The following TERB1 variants were observed in gnomAD, a reference collection of about 807,000 sequenced individuals.
TERB1 encodes telomere repeats-binding bouquet formation protein 1.
Under a neutral mutation model 92.3 loss-of-function variants are expected in TERB1, and 63 were observed. The observed-to-expected ratio is 0.68, with a 90% CI of 0.56 to 0.84. The LOEUF is 0.84. Among genes scored for constraint, TERB1 ranks in the 40% least tolerant of loss-of-function variants. The pLI, the probability that TERB1 is intolerant of heterozygous loss-of-function variation, is 0.00. For missense variants in TERB1, 709 were observed against 843.7 expected, an observed-to-expected ratio of 0.84 and a Z score of 1.98; for synonymous variants, 252 against 283.9, an observed-to-expected ratio of 0.89 and a Z score of 1.13.
At position 66,754,734 on chromosome 16, in the gene TERB1, T is replaced by C; in HGVS notation, c.*242A>G. On this transcript the variant is annotated 3_prime_UTR_variant, in exon 19 of 19. Coordinates refer to ENST00000433154, the MANE Select transcript of TERB1 (RefSeq NM_001136505.2). ...TTAAGCTTAAGGAAAAATAAAAGCA[T>C]ATTCCTAAACAAATGTTTGATCTTA... is the stretch of plus-strand genomic sequence containing the variant. The C allele has an allele frequency of 4.5e-6, 2 of 448,804 alleles. No homozygotes were observed. The highest frequency in any genetic ancestry group is 7.8e-6 in the Non-Finnish European group (2 of 256,738). 27.8% of individuals were successfully genotyped at this position (448,804 alleles called of 1,614,324 possible). A position where few individuals can be genotyped will look rare whatever the true frequency, so the allele number is the denominator to read the frequency against.
chr16:66,776,525 G>A, intron 11 of TERB1, among the ~76,000 whole-genome samples: 1 of 151,996 alleles, frequency 6.6e-6, no homozygotes. Flanking sequence ...ATAAACTAAT[G>A]GAGGGAGTAG....
chr16:66,790,743 A>G lies in TERB1; in HGVS notation c.143-20T>C. ...CATTACCTGTAGGATGTGCAGAAAA[A>G]AAACAAAATAGAAATGATATTTATT... is the stretch of plus-strand genomic sequence containing the variant. On this transcript the variant is annotated intron_variant, in intron 4 of 18. Coordinates refer to ENST00000433154, the MANE Select transcript of TERB1 (RefSeq NM_001136505.2). 2 of 1,546,954 alleles carry G rather than the reference A, an allele frequency of 1.3e-6. No homozygotes were observed. Among genetic ancestry groups the G allele is most frequent in the Non-Finnish European group, 1.7e-6 (2 of 1,144,912 alleles).
At chr16:66,762,157 T>C (rs919824895) in intron 16 of TERB1, among the ~76,000 whole-genome samples, 7 of 152,224 alleles carry the variant, frequency 4.6e-5, no homozygotes, top group Non-Finnish European at 8.8e-5. Context: ...ATCTTTTTTG[T>C]TTTTAACATT....
At chr16:66,766,856 A>G (rs1208163874) in intron 16 of TERB1, among the ~76,000 whole-genome samples, 1 of 152,182 alleles carries the variant, frequency 6.6e-6, no homozygotes, top group African/African-American at 2.4e-5. Context: ...TATGTTGACC[A>G]TGCTGGTTTT....
chr16:66,787,277 CTTTTTCT>C (rs1772130584), intron 6 of TERB1, among the ~76,000 whole-genome samples: 1 of 136,380 alleles, frequency 7.3e-6, no homozygotes, highest in Middle Eastern at 4.1e-3. Flanking sequence ...TTTTCTTTTT[CTTTTTCT>C]TTTTTTTTTT....
intron 3 of TERB1, among the ~76,000 whole-genome samples, chr16:66,793,646 G>A (rs2018875734): frequency 6.6e-6 from 1 of 152,030 alleles, no homozygotes; most frequent in South Asian, 2.1e-4. Context: ...CAAGGAGCTG[G>A]GATTACAGGT....
In TERB1 at chr16:66,788,221, T is replaced by A. The variant is rs1179547766; in HGVS notation, c.348A>T (p.Ile116=). Residue 116 remains isoleucine, a synonymous_variant, in exon 6 of 19, where the codon ATA becomes ATT. Transcript: ENST00000433154. ...LTWFLSNDSN[I]NLKRMSVYVI... ...CATAAACAGACATTCTTTTCAAATT[T>A]ATGTTTGAATCATTAGATAAGAACC... is the stretch of plus-strand genomic sequence containing the variant. The A allele has an allele frequency of 2.0e-6, 3 of 1,513,464 alleles. No homozygotes were observed. Among genetic ancestry groups the A allele is most frequent in the Non-Finnish European group, 2.7e-6 (3 of 1,129,372 alleles). The allele number at this position is 1,513,464 out of a possible 1,614,324, so 93.8% of individuals were successfully genotyped here.
intron 13 of TERB1, among the ~76,000 whole-genome samples, chr16:66,771,907 T>C (rs2018458884): frequency 1.3e-5 from 2 of 152,154 alleles, no homozygotes; most frequent in South Asian, 2.1e-4. Flanking sequence ...CATGCATACA[T>C]AGAAAAATAT....
At chr16:66,787,868 C>T (rs2018754646) in intron 6 of TERB1, among the ~76,000 whole-genome samples, 1 of 152,166 alleles carries the variant, frequency 6.6e-6, no homozygotes, top group Non-Finnish European at 1.5e-5. Flanking sequence ...TGAGACCAGC[C>T]TGGCCAACAT....
rs1476366030 is a variant in TERB1 at position 66,790,624 on chromosome 16, T to A, written c.242A>T (p.Tyr81Phe). 2 of 1,549,242 alleles carry A rather than the reference T, an allele frequency of 1.3e-6. No homozygotes were observed. Among genetic ancestry groups the A allele is most frequent in the Non-Finnish European group, 1.7e-6 (2 of 1,145,134 alleles). ...TTTCTCTGCAATAGCTCCTAATGTATATAAGGCTGCTTCTTTTACCATGCT... is the reference window on the plus strand; with the variant it reads ...TTTCTCTGCAATAGCTCCTAATGTAAATAAGGCTGCTTCTTTTACCATGCT... Reference protein sequence around the residue: ...EHSMVKEAALYTLGAIAEKNV... With the variant: ...EHSMVKEAALFTLGAIAEKNV... Residue 81 changes from tyrosine (Y) to phenylalanine (F), a missense_variant, in exon 5 of 19, where the codon TAT (tyrosine) becomes TTT (phenylalanine). Physicochemically the swap from Tyr to Phe is conservative, Grantham distance 22. Coordinates refer to ENST00000433154, the MANE Select transcript of TERB1 (RefSeq NM_001136505.2).
At chr16:66,772,797 T>TCA (rs1280622446) in intron 12 of TERB1, 48 bp from the exon 13 acceptor site, 66 of 1,418,588 alleles carry the variant, frequency 4.7e-5, no homozygotes, top group Non-Finnish European at 6.0e-5. Flanking sequence ...TTTAAACACT[T>TCA]TATATATAAG....
At chr16:66,795,165 T>C (rs1312743270) in intron 3 of TERB1, among the ~76,000 whole-genome samples, 1 of 152,178 alleles carries the variant, frequency 6.6e-6, no homozygotes, top group African/African-American at 2.4e-5. Context: ...AATAGACATC[T>C]GTCCAAAGAT....
intron 3 of TERB1, 45 bp from the exon 4 acceptor site, chr16:66,791,064 C>A: frequency 2.8e-6 from 3 of 1,069,914 alleles, no homozygotes; most frequent in Non-Finnish European, 4.0e-6. Context: ...AGGTTTATTT[C>A]ATAAACTAAC....
chr16:66,791,099 C>T (rs2018826791), intron 3 of TERB1, 80 bp from the exon 4 acceptor site: 1 of 709,674 alleles, frequency 1.4e-6, no homozygotes, highest in Non-Finnish European at 2.3e-6. Flanking sequence ...TTACTAAATA[C>T]ATATCTTTGG....
At chr16:66,777,493 G>C (rs1359788216) in intron 10 of TERB1, among the ~76,000 whole-genome samples, 159 bp from the exon 11 acceptor site, 1 of 152,120 alleles carries the variant, frequency 6.6e-6, no homozygotes, top group Non-Finnish European at 1.5e-5. Flanking sequence ...GTGTATGTGT[G>C]AATATAAATA....
rs189206529 is a variant in TERB1 at position 66,779,972 on chromosome 16, C to T, written c.701-957G>A. ...TTCCCTAGTGGAAAATAATTCTGGG[C>T]CGGGCACCATGGCTCATGCCTTTAA... is the stretch of plus-strand genomic sequence containing the variant. On this transcript the variant is annotated intron_variant, in intron 9 of 18. Transcript: ENST00000433154. 3.9e-5 allele frequency among the ~76,000 whole-genome samples: 6 copies of T among 152,266 alleles called. No homozygotes were observed. The East Asian group carries it at 5.8e-4, about 15-fold the overall frequency.
At chr16:66,770,764 A>C (rs1171930986) in intron 13 of TERB1, among the ~76,000 whole-genome samples, 1 of 152,136 alleles carries the variant, frequency 6.6e-6, no homozygotes, top group African/African-American at 2.4e-5. Flanking sequence ...GGATCTCAGG[A>C]ATAAAGAACC....
At chr16:66,759,400 A>G in intron 16 of TERB1, 110 bp from the exon 17 acceptor site, 1 of 837,508 alleles carries the variant, frequency 1.2e-6, no homozygotes, top group Non-Finnish European at 1.8e-6. Flanking sequence ...CAGGAACTAT[A>G]AACACCTCAA....
intron 5 of TERB1, among the ~76,000 whole-genome samples, chr16:66,789,017 C>CAA (rs57876042): frequency 1.4e-3 from 98 of 68,254 alleles, no homozygotes; most frequent in African/African-American, 2.2e-3. Flanking sequence ...GGTATGGTAC[C>CAA]AAAAAAAAAA....
Sources: gnomAD v4.1 joint callset for allele counts (sites outside exome capture counted in the v4.1 genomes callset) on GRCh38, gnomAD v4.1.1 for gene constraint, MANE v1.5 for transcripts, NCBI Gene and HGNC (gene_info 2026-07-23, HGNC 2026-07-21) for gene names.